Variants in GRK3 observed in about 807,000 individuals in gnomAD.
GRK3 encodes adrenergic, beta, receptor kinase 2.
GRK3 carries 54 observed loss-of-function variants against 95.7 expected under a neutral mutation model. The observed-to-expected ratio is 0.56, with a 90% CI of 0.45 to 0.71. The LOEUF (loss-of-function observed/expected upper bound fraction) is 0.71. Ranked by LOEUF, GRK3 falls within the 30% of genes least tolerant of loss-of-function variation. The pLI, the probability that GRK3 is intolerant of heterozygous loss-of-function variation, is 0.00. For synonymous variants in GRK3, 281 were observed against 290.8 expected (o/e 0.97, Z 0.34); for missense variants, 649 against 851.2 (o/e 0.76, Z 2.96).
intron 12 of GRK3, 148 bp from the exon 13 acceptor site, chr22:25,694,959 G>A: frequency 1.8e-6 from 1 of 550,934 alleles, no homozygotes; most frequent in Non-Finnish European, 3.3e-6. Context: ...GATGTTCAGT[G>A]CATCACGTTT....
intron 7 of GRK3, 22 bp from the exon 8 acceptor site, chr22:25,674,415 A>G: frequency 6.3e-7 from 1 of 1,581,656 alleles, no homozygotes; most frequent in Non-Finnish European, 8.7e-7. Context: ...TTATGTTTTC[A>G]TTTTGTGTTT....
At chr22:25,638,325 T>G (rs1468532863) in intron 2 of GRK3, among the ~76,000 whole-genome samples, 2 of 152,208 alleles carry the variant, frequency 1.3e-5, no homozygotes, top group African/African-American at 4.8e-5. Flanking sequence ...TGTCTTCTGT[T>G]ACATGATAAA....
At chr22:25,611,667 C>G (rs2084498156) in intron 2 of GRK3, among the ~76,000 whole-genome samples, 1 of 152,032 alleles carries the variant, frequency 6.6e-6, no homozygotes, top group Admixed American at 6.5e-5. Context: ...TTTGGATTGT[C>G]TTTATGTTAT....
rs200278215 is a variant in GRK3 at position 25,674,541 on chromosome 22, T to C, written c.647+13T>C. On this transcript the variant is annotated intron_variant, in intron 8 of 20. Transcript: ENST00000324198. ...ACACTGGAAAAATGTAAGCTTTCAA[T>C]GCTCTTATGTTTTACTGGCACTATT... The C allele has an allele frequency of 2.5e-6, 4 of 1,577,108 alleles. No homozygotes were observed. The African/African-American group carries it at 5.4e-5, about 21-fold the overall frequency.
At chr22:25,643,609 T>C (rs1250944694) in intron 2 of GRK3, among the ~76,000 whole-genome samples, 1 of 152,234 alleles carries the variant, frequency 6.6e-6, no homozygotes, top group Non-Finnish European at 1.5e-5. Flanking sequence ...TTTTGACTTT[T>C]TGGAATTTTA....
intron 10 of GRK3, among the ~76,000 whole-genome samples, chr22:25,685,995 C>T (rs1407987156): frequency 1.3e-5 from 2 of 151,120 alleles, no homozygotes; most frequent in Non-Finnish European, 2.9e-5. Flanking sequence ...CCGAGGCGGG[C>T]GGATCAATGA....
chr22:25,686,315 G>A (rs1362608241), intron 10 of GRK3, among the ~76,000 whole-genome samples: 1 of 152,086 alleles, frequency 6.6e-6, no homozygotes, highest in Non-Finnish European at 1.5e-5. Context: ...AAACACAGCA[G>A]CATCTACCCT....
At chr22:25,620,520 C>A (rs1472325913) in intron 2 of GRK3, among the ~76,000 whole-genome samples, 3 of 152,118 alleles carry the variant, frequency 2.0e-5, no homozygotes, top group Non-Finnish European at 2.9e-5. Context: ...AGAAGCTTTT[C>A]CCAAGAGGCT....
At chr22:25,705,349 C>G (rs1416055178) in intron 15 of GRK3, among the ~76,000 whole-genome samples, 1 of 152,086 alleles carries the variant, frequency 6.6e-6, no homozygotes, top group Non-Finnish European at 1.5e-5. Flanking sequence ...TTTGACATTC[C>G]TATCTTTCAT....
intron 8 of GRK3, among the ~76,000 whole-genome samples, chr22:25,676,438 T>A (rs1054834801): frequency 1.3e-5 from 2 of 152,154 alleles, no homozygotes; most frequent in Admixed American, 6.5e-5. Context: ...ACACTTGTAA[T>A]CCCAGCACTT....
intron 3 of GRK3, among the ~76,000 whole-genome samples, chr22:25,656,061 A>T (rs1480440258): frequency 2.0e-5 from 3 of 152,130 alleles, no homozygotes; most frequent in Non-Finnish European, 4.4e-5. Flanking sequence ...CTTAGCTAAG[A>T]ACTGGAATGA....
chr22:25,566,211 G>A (rs772259982), intron 1 of GRK3, among the ~76,000 whole-genome samples: 1 of 152,116 alleles, frequency 6.6e-6, no homozygotes, highest in African/African-American at 2.4e-5. Context: ...ATAGCTCTTG[G>A]AATTGATGCT....
chr22:25,729,066 C>A lies in GRK3; in HGVS notation c.*6616C>A, dbSNP rs1451624618. On this transcript the variant is annotated 3_prime_UTR_variant, in exon 21 of 21. Transcript: ENST00000324198. ...TCATTGGTTCTATCTCTTTTTGTAT[C>A]TGTTGTGCCAGGGAAGGTTTATAAT... 1 of 152,130 alleles carries A rather than the reference C, an allele frequency of 6.6e-6. No homozygotes were observed. Among genetic ancestry groups the A allele is most frequent in the African/African-American group, 2.4e-5 (1 of 41,440 alleles). The allele number at this position is 152,130 out of a possible 1,614,324, so 9.4% of individuals were successfully genotyped here. A position where few individuals can be genotyped will look rare whatever the true frequency, so the allele number is the denominator to read the frequency against.
chr22:25,655,444 C>T (rs1191682616), intron 3 of GRK3, among the ~76,000 whole-genome samples: 1 of 152,168 alleles, frequency 6.6e-6, no homozygotes, highest in Admixed American at 6.5e-5. Flanking sequence ...AGGTCTAGCT[C>T]AATATGGAAA....
chr22:25,632,298 A>T (rs1015293537), intron 2 of GRK3, among the ~76,000 whole-genome samples: 3 of 152,194 alleles, frequency 2.0e-5, no homozygotes, highest in Non-Finnish European at 4.4e-5. Flanking sequence ...ATGACTAATG[A>T]TGTTAATTTT....
At chr22:25,570,947 A>G (rs1208896625) in intron 1 of GRK3, among the ~76,000 whole-genome samples, 4 of 152,190 alleles carry the variant, frequency 2.6e-5, no homozygotes, top group Non-Finnish European at 2.9e-5. Flanking sequence ...AATACTTTCT[A>G]TGTAGGACAC....
chr22:25,619,829 G>A (rs2084568034), intron 2 of GRK3, among the ~76,000 whole-genome samples: 1 of 151,884 alleles, frequency 6.6e-6, no homozygotes, highest in Admixed American at 6.6e-5. Flanking sequence ...AGCAGGTTAG[G>A]TGGTGCTGGA....
chr22:25,579,457 G>C (rs1370469127), intron 1 of GRK3, among the ~76,000 whole-genome samples: 1 of 151,354 alleles, frequency 6.6e-6, no homozygotes, highest in Non-Finnish European at 1.5e-5. Flanking sequence ...ATGAATGAGG[G>C]GACTTCTTTT....
intron 20 of GRK3, among the ~76,000 whole-genome samples, 190 bp from the exon 21 acceptor site, chr22:25,722,099 C>G (rs1442480750): frequency 6.6e-6 from 1 of 152,100 alleles, no homozygotes; most frequent in African/African-American, 2.4e-5. Context: ...GTGGCCTTTC[C>G]CTGCTCTTTT....
Sources: allele counts gnomAD v4.1 joint callset (sites outside exome capture counted in the v4.1 genomes callset), GRCh38; gene constraint gnomAD v4.1.1; transcripts MANE v1.5; gene names NCBI Gene and HGNC (gene_info 2026-07-23, HGNC 2026-07-21).